Variants in YRDC observed in about 807,000 individuals in gnomAD.
YRDC encodes the protein yrdC N6-threonylcarbamoyltransferase domain containing, also known as threonylcarbamoyl-AMP synthase.
Under a neutral mutation model 21.5 loss-of-function variants are expected in YRDC, and 17 were observed. The observed-to-expected ratio is 0.79, with a 90% CI of 0.54 to 1.19. The LOEUF (loss-of-function observed/expected upper bound fraction) is 1.19. Ranked by LOEUF, YRDC falls within the 50% of genes most tolerant of loss-of-function variation. The pLI, the probability that YRDC is intolerant of heterozygous loss-of-function variation, is 0.00. For synonymous variants in YRDC, 193 were observed against 176.7 expected, an observed-to-expected ratio of 1.09 and a Z score of -0.73; for missense variants, 380 against 397.1, an observed-to-expected ratio of 0.96 and a Z score of 0.37.
chr1:37,805,514 C>A (rs556957809), intron 3 of YRDC, among the ~76,000 whole-genome samples: 2 of 152,192 alleles, frequency 1.3e-5, no homozygotes, highest in East Asian at 1.9e-4. Context: ...CCCAACCCCC[C>A]AAGGAAGACA....
rs1356311416 is a variant in YRDC, at chr1:37,807,944, G to A, written c.237C>T (p.Ala79=). ...CGGTGGGGACGGCCACCACGGCGCC[G>A]GCGCGCAGCTCGGCCACGGCGGCCC... is the stretch of plus-strand genomic sequence containing the variant. The part of the protein sequence containing the change: ...ALRAAVAELR[A]GAVVAVPTDT... Residue 79 remains alanine, a synonymous_variant, in exon 1 of 5, where the codon GCC becomes GCT. Coordinates refer to ENST00000373044, the MANE Select transcript of YRDC (RefSeq NM_024640.4). 3.2e-6 allele frequency: 4 copies of A among 1,234,546 alleles called. No individual in the cohort carries two copies. The highest frequency in any genetic ancestry group is 7.2e-5 in the South Asian group (2 of 27,950). The allele number at this position is 1,234,546 out of a possible 1,614,324, so 76.5% of individuals were successfully genotyped here.
intron 1 of YRDC, 27 bp from the exon 2 acceptor site, chr1:37,807,242 T>C: frequency 6.2e-7 from 1 of 1,607,596 alleles, no homozygotes; most frequent in East Asian, 2.2e-5. Flanking sequence ...AATAAATCCA[T>C]TCAAAATTGA....
intron 3 of YRDC, among the ~76,000 whole-genome samples, chr1:37,806,163 G>A (rs896916561): frequency 6.6e-6 from 1 of 151,756 alleles, no homozygotes; most frequent in Non-Finnish European, 1.5e-5. Flanking sequence ...TGTGTGACCT[G>A]GAACAAGTGA....
chr1:37,808,208 T>C lies in YRDC; in HGVS notation c.-28A>G. Reference sequence around the variant, plus strand: ...GCCCAGGCCCGCTTCCGGGAGGAAGTGACGCTCCCAGCCAGCTTCCGGTCC... The same window carrying C: ...GCCCAGGCCCGCTTCCGGGAGGAAGCGACGCTCCCAGCCAGCTTCCGGTCC... On this transcript the variant is annotated 5_prime_UTR_variant, in exon 1 of 5. Coordinates refer to ENST00000373044, the MANE Select transcript of YRDC (RefSeq NM_024640.4). The C allele has an allele frequency of 7.1e-7, 1 of 1,414,050 alleles. No individual in the cohort carries two copies. Among genetic ancestry groups the C allele is most frequent in the Non-Finnish European group, 9.2e-7 (1 of 1,088,466 alleles). The allele number at this position is 1,414,050 out of a possible 1,614,324, so 87.6% of individuals were successfully genotyped here. A position where few individuals can be genotyped will look rare whatever the true frequency, so the allele number is the denominator to read the frequency against.
At position 37,802,982 on chromosome 1, in the gene YRDC, A is replaced by T. The variant is rs1646712101; in HGVS notation, c.*943T>A. ...ATGTTTAATAGCAGCATTTCTTTAA[A>T]GAAAAACAAAGTTCAAATGCCCAAT... is the stretch of plus-strand genomic sequence containing the variant. On this transcript the variant is annotated 3_prime_UTR_variant, in exon 5 of 5. Transcript: ENST00000373044. 6.6e-6 allele frequency: 1 copy of T among 152,258 alleles called. No individual in the cohort carries two copies. Among genetic ancestry groups the T allele is most frequent in the African/African-American group, 2.4e-5 (1 of 41,470 alleles). 9.4% of individuals were successfully genotyped at this position (152,258 alleles called of 1,614,324 possible). A position where few individuals can be genotyped will look rare whatever the true frequency, so the allele number is the denominator to read the frequency against.
In YRDC at chr1:37,807,943, C is replaced by G; in HGVS notation, c.238G>C (p.Gly80Arg). 8.1e-7 allele frequency: 1 copy of G among 1,234,870 alleles called. No homozygotes were observed. Among genetic ancestry groups the G allele is most frequent in the Admixed American group, 4.3e-5 (1 of 23,518 alleles). The allele number at this position is 1,234,870 out of a possible 1,614,324, so 76.5% of individuals were successfully genotyped here. Reference protein sequence around the residue: ...LRAAVAELRAGAVVAVPTDTL... With the variant: ...LRAAVAELRARAVVAVPTDTL... The stretch of plus-strand genomic sequence containing the variant: ...TCGGTGGGGACGGCCACCACGGCGC[C>G]GGCGCGCAGCTCGGCCACGGCGGCC... The change falls in exon 1 of 5, where the codon GGC (glycine) becomes CGC (arginine). Residue 80 changes from glycine to arginine, a missense_variant. Coordinates refer to ENST00000373044, the MANE Select transcript of YRDC (RefSeq NM_024640.4).
chr1:37,804,076 C>G, intron 4 of YRDC, 79 bp from the exon 5 acceptor site: 2 of 1,558,024 alleles, frequency 1.3e-6, no homozygotes, highest in Non-Finnish European at 1.8e-6. Flanking sequence ...GCAGGGACAT[C>G]GAAACTGGCT....
intron 2 of YRDC, 53 bp from the exon 3 acceptor site, chr1:37,807,029 T>C (rs551690614): frequency 6.2e-7 from 1 of 1,613,754 alleles, no homozygotes; most frequent in South Asian, 1.1e-5. Flanking sequence ...GATAAGAGGG[T>C]AAGTCTTATC....
rs989873632 is a variant in YRDC, at chr1:37,808,169, C to T, written c.12G>A (p.Ala4=). Residue 4 remains alanine, a synonymous_variant, in exon 1 of 5, where the codon GCG becomes GCA. Coordinates refer to ENST00000373044, the MANE Select transcript of YRDC (RefSeq NM_024640.4). ...CGGCCCTCATCCCCCTGCACCGACG[C>T]GCCGGAGACATCCGCCCAGGCCCGC... MSP[A]RRCRGMRAAV... is the part of the protein sequence containing the mutation. 1.2e-5 allele frequency: 17 copies of T among 1,456,510 alleles called. No individual in the cohort carries two copies. The highest frequency in any genetic ancestry group is 4.9e-5 in the Admixed American group (2 of 40,470). The allele number at this position is 1,456,510 out of a possible 1,614,324, so 90.2% of individuals were successfully genotyped here.
At position 37,803,992 on chromosome 1, in the gene YRDC, A is replaced by G. The variant is rs570340738; in HGVS notation, c.773T>C (p.Leu258Pro). 1.3e-5 allele frequency: 21 copies of G among 1,614,200 alleles called. No individual in the cohort carries two copies. In the Admixed American group the frequency reaches 1.8e-4, roughly 14 times the overall value. The change falls in exon 5 of 5, where the codon CTG becomes CCG. Residue 258 changes from leucine to proline, a missense_variant. Around this residue, in one of 3 missense-constraint regions of YRDC, gnomAD observed 238 missense variants for 236.5 expected, o/e 1.01. Coordinates refer to ENST00000373044, the MANE Select transcript of YRDC (RefSeq NM_024640.4). ...TTGGAGGATGGCTGTAGTACTTTCC[A>G]GGGCACTGAGGAGGAAACAGGACAG... ...KFGIIRPGCA[L>P]ESTTAILQQK...
intron 4 of YRDC, 74 bp downstream of exon 4, chr1:37,804,228 A>C: frequency 6.4e-7 from 1 of 1,564,350 alleles, no homozygotes; most frequent in Non-Finnish European, 8.7e-7. Flanking sequence ...CACCATCTTT[A>C]TCTTGTCAAA....
In YRDC at chr1:37,805,399, T is replaced by C. The variant is rs552761609; in HGVS notation, c.625-955A>G. Among the ~76,000 whole-genome samples the C allele has an allele frequency of 9.2e-5, 14 of 151,942 alleles. 1 individual carries two copies. The South Asian group carries it at 2.5e-3, about 27-fold the overall frequency. ...GCGACTCTGATCAGGGTAGGAAGAG[T>C]AGAACATGGTAGATTCTGCATGCCA... On this transcript the variant is annotated intron_variant, in intron 3 of 4. Transcript: ENST00000373044.
intron 3 of YRDC, among the ~76,000 whole-genome samples, chr1:37,804,863 T>A (rs1646724594): frequency 6.6e-6 from 1 of 152,248 alleles, no homozygotes; most frequent in African/African-American, 2.4e-5. Flanking sequence ...GATGATCCTA[T>A]GTCCTCATTT....
chr1:37,805,129 G>A (rs1335459407), intron 3 of YRDC, among the ~76,000 whole-genome samples: 4 of 152,164 alleles, frequency 2.6e-5, no homozygotes, highest in African/African-American at 7.2e-5. Context: ...GGTGGCACAC[G>A]CCTGTAATCC....
At chr1:37,804,098 G>C in intron 4 of YRDC, 101 bp from the exon 5 acceptor site, 4 of 1,505,466 alleles carry the variant, frequency 2.7e-6, no homozygotes, top group Non-Finnish European at 3.7e-6. Flanking sequence ...GCCTTGTTAA[G>C]CCCTGTTCAT....
chr1:37,807,753 G>A, intron 1 of YRDC, 39 bp downstream of exon 1: 7 of 1,440,954 alleles, frequency 4.9e-6, no homozygotes, highest in South Asian at 1.3e-5. Context: ...CCCCTCCCGC[G>A]GTGCCGCCCC....
Position 37,807,959 on chromosome 1 carries a change from C to A in YRDC, c.222G>T (p.Val74=). 8.2e-7 allele frequency: 1 copy of A among 1,222,274 alleles called. No homozygotes were observed. Among genetic ancestry groups the A allele is most frequent in the East Asian group, 3.2e-5 (1 of 30,812 alleles). 75.7% of individuals were successfully genotyped at this position (1,222,274 alleles called of 1,614,324 possible). ...AGWTEALRAA[V]AELRAGAVVA... ...CCACGGCGCCGGCGCGCAGCTCGGC[C>A]ACGGCGGCCCGCAGCGCCTCGGTCC... The change falls in exon 1 of 5, where the codon GTG becomes GTT. Residue 74 remains valine, a synonymous_variant. Coordinates refer to ENST00000373044, the MANE Select transcript of YRDC (RefSeq NM_024640.4).
At chr1:37,807,568 C>G in intron 1 of YRDC, 1 of 905,308 alleles carries the variant, frequency 1.1e-6, no homozygotes, top group Non-Finnish European at 1.6e-6. Flanking sequence ...ACAAATACGC[C>G]AAGGGAACAG....
At chr1:37,806,317 C>T (rs112356865) in intron 3 of YRDC, among the ~76,000 whole-genome samples, 7,188 of 152,158 alleles carry the variant, frequency 0.047, 412 homozygotes, top group East Asian at 0.23. Flanking sequence ...TCTCCTGCCT[C>T]AGCCTCCCAA....
Sources: gnomAD v4.1 joint callset for allele counts (sites outside exome capture counted in the v4.1 genomes callset) on GRCh38, gnomAD v4.1.1 for gene constraint, gnomAD v4.1.1 regional missense constraint, MANE v1.5 for transcripts, NCBI Gene and HGNC (gene_info 2026-07-23, HGNC 2026-07-21) for gene names.